The following SLC4A7 variants were observed in gnomAD, a reference collection of about 807,000 sequenced individuals.
SLC4A7 encodes the protein sodium bicarbonate cotransporter 3.
SLC4A7 carries 51 observed loss-of-function variants against 137.6 expected under a neutral mutation model. The observed-to-expected ratio is 0.37, with a 90% confidence interval of 0.30 to 0.47. The LOEUF is 0.47. SLC4A7 is among the 20% of genes least tolerant of loss of function. The pLI, the probability that SLC4A7 is intolerant of heterozygous loss-of-function variation, is 1.00. For missense variants in SLC4A7, 1,247 were observed against 1,525.4 expected (o/e 0.82, Z 3.04); for synonymous variants, 542 against 518.6 (o/e 1.05, Z -0.61).
At chr3:27,446,686 T>TGTATA (rs1279304749) in intron 3 of SLC4A7, among the ~76,000 whole-genome samples, 2 of 152,084 alleles carry the variant, frequency 1.3e-5, no homozygotes, top group Non-Finnish European at 2.9e-5. Context: ...ATGGCTGTGA[T>TGTATA]GTATAGAACA....
intron 6 of SLC4A7, among the ~76,000 whole-genome samples, chr3:27,432,016 T>C (rs553782729): frequency 1.2e-4 from 19 of 152,332 alleles, no homozygotes; most frequent in Middle Eastern, 3.4e-3. Context: ...AATGAAAATA[T>C]GTAATACACA....
At position 27,431,278 on chromosome 3, in the gene SLC4A7, G is replaced by A. The variant is rs752577916; in HGVS notation, c.1150+20C>T. On this transcript the variant is annotated intron_variant, in intron 7 of 25. Coordinates refer to ENST00000454389, the MANE Select transcript of SLC4A7 (RefSeq NM_001321103.2). ...CTCAGAGGCAGAAAGCACCACACAT[G>A]GAGGATTTTGGATAGTTGCCTGGAG... The A allele has an allele frequency of 1.3e-6, 2 of 1,549,160 alleles. No homozygotes were observed. The highest frequency in any genetic ancestry group is 2.3e-5 in the East Asian group (1 of 44,236).
At position 27,376,179 on chromosome 3, in the gene SLC4A7, G is replaced by A. The variant is rs936466739; in HGVS notation, c.*585C>T. The A allele has an allele frequency of 6.6e-6, 1 of 151,972 alleles. No homozygotes were observed. Among genetic ancestry groups the A allele is most frequent in the East Asian group, 1.9e-4 (1 of 5,198 alleles). The allele number at this position is 151,972 out of a possible 1,614,324, so 9.4% of individuals were successfully genotyped here. On this transcript the variant is annotated 3_prime_UTR_variant, in exon 26 of 26. Transcript: ENST00000454389. ...ATTTAAAAAAAATTTAAACATAAAAGTTAAAAACTATCATTATTAAAGTTT... is the reference window on the plus strand; with the variant it reads ...ATTTAAAAAAAATTTAAACATAAAAATTAAAAACTATCATTATTAAAGTTT...
At position 27,385,942 on chromosome 3, in the gene SLC4A7, G is replaced by C; in HGVS notation, c.3442C>G (p.Pro1148Ala). 1 of 1,592,302 alleles carries C rather than the reference G, an allele frequency of 6.3e-7. No homozygotes were observed. Among genetic ancestry groups the C allele is most frequent in the Non-Finnish European group, 8.6e-7 (1 of 1,163,744 alleles). The change falls in exon 23 of 26, where the codon CCA (proline) becomes GCA (alanine). Residue 1148 changes from proline (P) to alanine (A), a missense_variant. Physicochemically the swap from Pro to Ala is conservative, Grantham distance 27. Around this residue, in one of 6 missense-constraint regions of SLC4A7, gnomAD observed 290 missense variants for 323.8 expected, o/e 0.90. Transcript: ENST00000454389. ...TCTTCTTTCTTTTTCTTACTTTCTG[G>C]CATAAGATCATCAAGCCAACTAAGT... ...RELSWLDDLM[P>A]ESKKKKEDDK...
intron 12 of SLC4A7, among the ~76,000 whole-genome samples, chr3:27,410,654 C>G (rs73822002): frequency 6.6e-6 from 1 of 152,164 alleles, no homozygotes; most frequent in Non-Finnish European, 1.5e-5. Flanking sequence ...CATACAGATG[C>G]TCTCAGGTGA....
Position 27,404,816 on chromosome 3 carries a change from G to A in SLC4A7, c.2075+14C>T. 2 of 1,569,142 alleles carry A rather than the reference G, an allele frequency of 1.3e-6. No individual in the cohort carries two copies. The highest frequency in any genetic ancestry group is 1.7e-6 in the Non-Finnish European group (2 of 1,150,070). ...ATATAACACATGTGATAAGTAGAGA[G>A]GGCTATTACTTACCTGCAGAATTTA... On this transcript the variant is annotated intron_variant, in intron 14 of 25. Coordinates refer to ENST00000454389, the MANE Select transcript of SLC4A7 (RefSeq NM_001321103.2).
chr3:27,416,602 C>T (rs948130522), intron 11 of SLC4A7, among the ~76,000 whole-genome samples: 2 of 152,106 alleles, frequency 1.3e-5, no homozygotes, highest in African/African-American at 4.8e-5. Context: ...TATCAAAAAA[C>T]TTTCCAATGT....
rs1208326824 is a variant in SLC4A7 at position 27,420,679 on chromosome 3, G to A, written c.1512+21C>T. The A allele has an allele frequency of 2.1e-6, 3 of 1,459,364 alleles. No individual in the cohort carries two copies. In the South Asian group the frequency reaches 3.4e-5, roughly 17 times the overall value. 90.4% of individuals were successfully genotyped at this position (1,459,364 alleles called of 1,614,324 possible). On this transcript the variant is annotated intron_variant, in intron 10 of 25. Coordinates refer to ENST00000454389, the MANE Select transcript of SLC4A7 (RefSeq NM_001321103.2). Reference sequence around the variant, plus strand: ...GCATAATTAGTGTCTACTTCAAAGAGACTTGGAGTATTCTGATTACCTCAT... The same window carrying A: ...GCATAATTAGTGTCTACTTCAAAGAAACTTGGAGTATTCTGATTACCTCAT...
intron 1 of SLC4A7, among the ~76,000 whole-genome samples, chr3:27,475,489 C>G (rs771974981): frequency 6.6e-6 from 1 of 152,022 alleles, no homozygotes; most frequent in Non-Finnish European, 1.5e-5. Context: ...CTTGTTACAT[C>G]TAGGTTAAGC....
intron 16 of SLC4A7, among the ~76,000 whole-genome samples, chr3:27,398,732 T>C (rs2052456736): frequency 2.0e-5 from 3 of 152,216 alleles, no homozygotes; most frequent in Admixed American, 2.0e-4. Context: ...TTTTCGTTTC[T>C]GAACAAGTGG....
intron 1 of SLC4A7, among the ~76,000 whole-genome samples, chr3:27,469,376 C>T (rs1304539249): frequency 6.6e-6 from 1 of 152,160 alleles, no homozygotes; most frequent in South Asian, 2.1e-4. Flanking sequence ...AAGACTCTTC[C>T]CCACCACCCC....
chr3:27,386,110 TA>T (rs34916422), intron 22 of SLC4A7, 87 bp from the exon 23 acceptor site: 228,922 of 1,011,414 alleles, frequency 0.23, 28,527 homozygotes, highest in Non-Finnish European at 0.25. Context: ...TTAAATCTTA[TA>T]AAAAATGCTT....
At position 27,374,191 on chromosome 3, in the gene SLC4A7, G is replaced by T. The variant is rs764303458; in HGVS notation, c.*2573C>A. The T allele has an allele frequency of 6.6e-6, 1 of 152,458 alleles. No individual in the cohort carries two copies. Among genetic ancestry groups the T allele is most frequent in the Non-Finnish European group, 1.5e-5 (1 of 67,922 alleles). 9.4% of individuals were successfully genotyped at this position (152,458 alleles called of 1,614,324 possible). On this transcript the variant is annotated 3_prime_UTR_variant, in exon 26 of 26. Transcript: ENST00000454389. ...CAGATATCTATAAATAAATAAACTA[G>T]GGTGGAGAAAAGAATATCCTGAGGT...
In SLC4A7 at chr3:27,398,368, A is replaced by G; in HGVS notation, c.2428-15T>C. ...TTTTTACATTCCTGGAAAAAAGGAG[A>G]AAGAAAAAGCAGAATGGGGGATTCT... On this transcript the variant is annotated splice_polypyrimidine_tract_variant and intron_variant, in intron 16 of 25. Coordinates refer to ENST00000454389, the MANE Select transcript of SLC4A7 (RefSeq NM_001321103.2). 1 of 1,584,302 alleles carries G rather than the reference A, an allele frequency of 6.3e-7. No homozygotes were observed. Among genetic ancestry groups the G allele is most frequent in the Admixed American group, 1.9e-5 (1 of 53,670 alleles).
chr3:27,457,004 C>T, intron 1 of SLC4A7: 2 of 833,992 alleles, frequency 2.4e-6, no homozygotes, highest in Non-Finnish European at 2.9e-6. Context: ...AGAGTGCATA[C>T]TCTAAGAATA....
intron 7 of SLC4A7, among the ~76,000 whole-genome samples, chr3:27,430,775 T>C (rs1485869521): frequency 2.0e-5 from 3 of 150,668 alleles, no homozygotes; most frequent in African/African-American, 7.3e-5. Context: ...GAGGCTGCAG[T>C]GAGCTGAGAT....
chr3:27,482,726 C>G (rs1277190113), intron 1 of SLC4A7, among the ~76,000 whole-genome samples: 1 of 152,078 alleles, frequency 6.6e-6, no homozygotes, highest in African/African-American at 2.4e-5. Flanking sequence ...GAGCCGAGAT[C>G]GCACCACTGC....
chr3:27,388,353 T>C (rs1048620166), intron 22 of SLC4A7, among the ~76,000 whole-genome samples: 2 of 152,160 alleles, frequency 1.3e-5, no homozygotes, highest in African/African-American at 4.8e-5. Flanking sequence ...TATTAATAAC[T>C]TGTCAGTGTT....
chr3:27,421,159 G>A (rs1182964242), intron 9 of SLC4A7, among the ~76,000 whole-genome samples: 1 of 151,000 alleles, frequency 6.6e-6, no homozygotes, highest in East Asian at 2.0e-4. Flanking sequence ...ATTCACAGGA[G>A]TCTTATATTC....
Sources: allele counts gnomAD v4.1 joint callset (sites outside exome capture counted in the v4.1 genomes callset), GRCh38; gene constraint gnomAD v4.1.1; regional missense constraint gnomAD v4.1.1; transcripts MANE v1.5; gene names NCBI Gene and HGNC (gene_info 2026-07-23, HGNC 2026-07-21).